The following IFNGR1 variants were observed in gnomAD, a reference collection of about 807,000 sequenced individuals.
The protein encoded by IFNGR1 is AVP, type 2.
IFNGR1 carries 23 observed loss-of-function variants against 35.4 expected under a neutral mutation model. The observed-to-expected ratio is 0.65, with a 90% CI of 0.47 to 0.92. IFNGR1 has a LOEUF of 0.92. Among genes scored for constraint, IFNGR1 ranks in the 40% least tolerant of loss-of-function variants. The pLI, the probability that IFNGR1 is intolerant of heterozygous loss-of-function variation, is 0.00. For missense variants in IFNGR1, 533 were observed against 583.4 expected, an observed-to-expected ratio of 0.91 and a Z score of 0.89; for synonymous variants, 199 against 209.5, an observed-to-expected ratio of 0.95 and a Z score of 0.43.
intron 1 of IFNGR1, 69 bp from the exon 2 acceptor site, chr6:137,207,146 G>T: frequency 6.3e-7 from 1 of 1,584,810 alleles, no homozygotes; most frequent in South Asian, 1.1e-5. Context: ...AAGCCTTATT[G>T]TAAGATGCCA....
chr6:137,207,180 A>G, intron 1 of IFNGR1, 103 bp from the exon 2 acceptor site: 1 of 1,456,022 alleles, frequency 6.9e-7, no homozygotes, highest in Non-Finnish European at 9.2e-7. Context: ...TGTATATTTG[A>G]AGAAAAGTAG....
chr6:137,215,014 T>C (rs148620700), intron 1 of IFNGR1, among the ~76,000 whole-genome samples: 33 of 152,366 alleles, frequency 2.2e-4, no homozygotes, highest in East Asian at 3.9e-4. Flanking sequence ...ATGCACATTA[T>C]TGAATAATCC....
rs1257969756 is a variant in IFNGR1, at chr6:137,198,431, G to C, written c.1070C>G (p.Thr357Ser). ...EELSSITEVV[T>S]TEENIPDVVP... is the part of the protein sequence containing the mutation. ...CACGTCAGGAATATTTTCTTCAGTA[G>C]TCACCACTTCTGTTATACTAGAAAG... Residue 357 changes from threonine (T) to serine (S), a missense_variant, in exon 7 of 7, where the codon ACT (threonine) becomes AGT (serine). Transcript: ENST00000367739. 1 of 1,614,156 alleles carries C rather than the reference G, an allele frequency of 6.2e-7. No individual in the cohort carries two copies. The highest frequency in any genetic ancestry group is 8.5e-7 in the Non-Finnish European group (1 of 1,180,030).
chr6:137,199,251 A>C (rs1448653079), intron 6 of IFNGR1, among the ~76,000 whole-genome samples: 1 of 140,844 alleles, frequency 7.1e-6, no homozygotes, highest in Non-Finnish European at 1.5e-5. Context: ...GTTAATACTA[A>C]ATAATACTAA....
At chr6:137,210,434 C>T (rs1779547179) in intron 1 of IFNGR1, among the ~76,000 whole-genome samples, 1 of 152,104 alleles carries the variant, frequency 6.6e-6, no homozygotes, top group African/African-American at 2.4e-5. Context: ...CATGAATGTA[C>T]ACAGTTAGCG....
chr6:137,199,020 T>C (rs1344879864), intron 6 of IFNGR1, among the ~76,000 whole-genome samples: 1 of 151,982 alleles, frequency 6.6e-6, no homozygotes, highest in Non-Finnish European at 1.5e-5. Flanking sequence ...TTAACCCGAA[T>C]GGGCACAATC....
At chr6:137,217,237 A>G (rs948705604) in intron 1 of IFNGR1, among the ~76,000 whole-genome samples, 1 of 152,160 alleles carries the variant, frequency 6.6e-6, no homozygotes, top group Middle Eastern at 3.2e-3. Flanking sequence ...TTACCCTCAA[A>G]CTATTTTATA....
chr6:137,216,373 T>C (rs1161066550), intron 1 of IFNGR1, among the ~76,000 whole-genome samples: 1 of 152,208 alleles, frequency 6.6e-6, no homozygotes, highest in Non-Finnish European at 1.5e-5. Context: ...TAAAAATATA[T>C]ACTACTTTTA....
At chr6:137,218,582 C>CT (rs1779762461) in intron 1 of IFNGR1, 5 of 1,046,822 alleles carry the variant, frequency 4.8e-6, no homozygotes, top group African/African-American at 1.8e-5. Flanking sequence ...ACCCTAAGCA[C>CT]TTTGAGTCCC....
Position 137,198,115 on chromosome 6 carries a change from C to T in IFNGR1, c.1386G>A (p.Val462=). The change falls in exon 7 of 7, where the codon GTG becomes GTA. Residue 462 remains valine (V), a synonymous_variant. Coordinates refer to ENST00000367739, the MANE Select transcript of IFNGR1 (RefSeq NM_000416.3). Reference sequence around the variant, plus strand: ...TATCATCCACAAGTAGATCCACTAGCACATGTGGTTTATCATAACCAAAGG... The same window carrying T: ...TATCATCCACAAGTAGATCCACTAGTACATGTGGTTTATCATAACCAAAGG... The part of the protein sequence containing the change: ...PTSFGYDKPH[V]LVDLLVDDSG... 6.2e-7 allele frequency: 1 copy of T among 1,614,148 alleles called. No homozygotes were observed. The highest frequency in any genetic ancestry group is 1.1e-5 in the South Asian group (1 of 91,086).
At position 137,219,339 on chromosome 6, in the gene IFNGR1, C is replaced by T. The variant is rs2114527930; in HGVS notation, c.-12G>A. ...AAGAGGAGAGCCATGCTGCTACCGA[C>T]GGTCGCTGGCTCCAACCCCGAGCGC... On this transcript the variant is annotated 5_prime_UTR_variant, in exon 1 of 7. Transcript: ENST00000367739. 6.3e-7 allele frequency: 1 copy of T among 1,596,788 alleles called. No individual in the cohort carries two copies.
At chr6:137,216,943 G>C (rs192896310) in intron 1 of IFNGR1, among the ~76,000 whole-genome samples, 1 of 152,156 alleles carries the variant, frequency 6.6e-6, no homozygotes, top group East Asian at 1.9e-4. Context: ...ATCTTCCCAC[G>C]GGAGGCAGAC....
At chr6:137,199,528 A>AATATATAATATATTATATATT in intron 6 of IFNGR1, among the ~76,000 whole-genome samples, 3,660 of 35,898 alleles carry the variant, frequency 0.1, 595 homozygotes, top group Non-Finnish European at 0.13. Flanking sequence ...TATTATATAT[A>AATATATAATATATTATATATT]ATATATAATA....
At position 137,201,457 on chromosome 6, in the gene IFNGR1, G is replaced by A. The variant is rs1779274891; in HGVS notation, c.734-449C>T. Reference sequence around the variant, plus strand: ...TGGGAAGTCGAGGTGGGCGGATCACGAGGTCAAGAGATCGAGACAATCTTG... The same window carrying A: ...TGGGAAGTCGAGGTGGGCGGATCACAAGGTCAAGAGATCGAGACAATCTTG... On this transcript the variant is annotated intron_variant, in intron 5 of 6. Coordinates refer to ENST00000367739, the MANE Select transcript of IFNGR1 (RefSeq NM_000416.3). 5.3e-5 allele frequency among the ~76,000 whole-genome samples: 8 copies of A among 152,226 alleles called. No homozygotes were observed. In the South Asian group the frequency reaches 1.5e-3, roughly 28 times the overall value.
intron 6 of IFNGR1, among the ~76,000 whole-genome samples, chr6:137,199,555 TAAAA>T (rs1364846588): frequency 2.1e-5 from 2 of 96,622 alleles, no homozygotes; most frequent in East Asian, 2.7e-4. Flanking sequence ...ATATAACATA[TAAAA>T]TATATATAAT....
chr6:137,213,614 A>T (rs1202593482), intron 1 of IFNGR1, among the ~76,000 whole-genome samples: 3 of 152,270 alleles, frequency 2.0e-5, no homozygotes, highest in African/African-American at 7.2e-5. Context: ...ACAAAAGACC[A>T]GTGAAGATCA....
chr6:137,205,658 C>T (rs1047952018), intron 3 of IFNGR1, among the ~76,000 whole-genome samples: 5 of 152,022 alleles, frequency 3.3e-5, no homozygotes, highest in South Asian at 2.1e-4. Flanking sequence ...TGCAGGGGAC[C>T]GCTGGGCAGC....
At position 137,200,867 on chromosome 6, in the gene IFNGR1, A is replaced by G. The variant is rs1490789488; in HGVS notation, c.861+14T>C. ...TTAACTTTTTAGTGTATATAAAAAA[A>G]TTAAATACATTACCAAGGACTTGGG... On this transcript the variant is annotated intron_variant, in intron 6 of 6. Transcript: ENST00000367739. The G allele has an allele frequency of 6.5e-7, 1 of 1,538,646 alleles. No homozygotes were observed. Among genetic ancestry groups the G allele is most frequent in the Non-Finnish European group, 8.9e-7 (1 of 1,127,888 alleles).
intron 1 of IFNGR1, among the ~76,000 whole-genome samples, chr6:137,214,837 C>G (rs1479358663): frequency 2.0e-5 from 3 of 152,132 alleles, no homozygotes; most frequent in Non-Finnish European, 4.4e-5. Flanking sequence ...TACTAAAAAA[C>G]CAAACTTTTT....
Sources: allele counts gnomAD v4.1 joint callset (sites outside exome capture counted in the v4.1 genomes callset), GRCh38; gene constraint gnomAD v4.1.1; transcripts MANE v1.5; gene names NCBI Gene and HGNC (gene_info 2026-07-23, HGNC 2026-07-21).